The following CDS2 variants were observed in gnomAD, a reference collection of about 807,000 sequenced individuals.
CDS2 encodes the protein phosphatidate cytidylyltransferase 2.
CDS2 carries 47 observed loss-of-function variants against 59.0 expected under a neutral mutation model. The ratio of observed to expected loss-of-function variants is 0.80; its 90% CI spans 0.63 to 1.02. The LOEUF is 1.02. Ranked by LOEUF, CDS2 falls within the 50% of genes least tolerant of loss-of-function variation. CDS2 has a pLI of 0.00. For synonymous variants in CDS2, 207 were observed against 206.4 expected (o/e 1.00, Z -0.02); for missense variants, 356 against 558.9 (o/e 0.64, Z 3.66).
chr20:5,161,764 A>AG (rs2090878238), intron 1 of CDS2, among the ~76,000 whole-genome samples: 1 of 152,190 alleles, frequency 6.6e-6, no homozygotes, highest in Non-Finnish European at 1.5e-5. Flanking sequence ...AGTTGTCTCC[A>AG]GGCCTAGCCC....
rs748938050 is a variant in CDS2, at chr20:5,186,859, G to T, written c.981+20G>T. Reference sequence around the variant, plus strand: ...GGCTGGGTATGTGCCACTCACAGGGGGTGAGCGGCCTCCATGGACAGTGGC... The same window carrying T: ...GGCTGGGTATGTGCCACTCACAGGGTGTGAGCGGCCTCCATGGACAGTGGC... On this transcript the variant is annotated intron_variant, in intron 10 of 12. Transcript: ENST00000460006. The T allele has an allele frequency of 2.5e-6, 4 of 1,613,124 alleles. No homozygotes were observed. In the African/African-American group the frequency reaches 5.3e-5, roughly 22 times the overall value.
intron 1 of CDS2, among the ~76,000 whole-genome samples, chr20:5,134,337 T>C (rs929705059): frequency 1.3e-5 from 2 of 152,318 alleles, no homozygotes; most frequent in Non-Finnish European, 2.9e-5. Context: ...ATTCACTGAC[T>C]GTAGGGTCTG....
chr20:5,147,947 T>G (rs748892818), intron 1 of CDS2, among the ~76,000 whole-genome samples: 80 of 152,232 alleles, frequency 5.3e-4, no homozygotes, highest in Admixed American at 9.8e-4. Flanking sequence ...ATTGTTTTTT[T>G]TTGTTGTTGT....
At position 5,192,863 on chromosome 20, in the gene CDS2, T is replaced by C. The variant is rs1292102227; in HGVS notation, c.*2629T>C. The stretch of plus-strand genomic sequence containing the variant: ...ATGAGCACCTTACCAGGCAGGGAGC[T>C]TCCCCAGGATAGTGTGGTGGAGTCA... On this transcript the variant is annotated 3_prime_UTR_variant, in exon 13 of 13. Transcript: ENST00000460006. 6.6e-6 allele frequency: 1 copy of C among 152,250 alleles called. No homozygotes were observed. Among genetic ancestry groups the C allele is most frequent in the Non-Finnish European group, 1.5e-5 (1 of 68,050 alleles). 9.4% of individuals were successfully genotyped at this position (152,250 alleles called of 1,614,324 possible).
chr20:5,188,054 A>ATGTG (rs2091083029), intron 10 of CDS2, among the ~76,000 whole-genome samples: 1 of 122,434 alleles, frequency 8.2e-6, no homozygotes, highest in Non-Finnish European at 1.8e-5. Context: ...TTCTTAACGT[A>ATGTG]CGTGTGTGTG....
In CDS2 at chr20:5,190,339, GTC is replaced by G; in HGVS notation, c.*107_*108del. 1.2e-5 allele frequency: 10 copies of G among 869,220 alleles called. No homozygotes were observed. Among genetic ancestry groups the G allele is most frequent in the Non-Finnish European group, 1.6e-5 (10 of 617,316 alleles). 53.8% of individuals were successfully genotyped at this position (869,220 alleles called of 1,614,324 possible). ...GACAATGACGAGGCTTCAACTCACTGTCTTTTTTTTTTTTTTTTGGAGGGTAT... is the reference window on the plus strand; with the variant it reads ...GACAATGACGAGGCTTCAACTCACTGTTTTTTTTTTTTTTTTGGAGGGTAT... On this transcript the variant is annotated 3_prime_UTR_variant, in exon 13 of 13. Coordinates refer to ENST00000460006, the MANE Select transcript of CDS2 (RefSeq NM_003818.4).
Position 5,184,339 on chromosome 20 carries a change from T to C in CDS2, c.672-519T>C, listed in dbSNP as rs2091051843. On this transcript the variant is annotated intron_variant, in intron 7 of 12. Coordinates refer to ENST00000460006, the MANE Select transcript of CDS2 (RefSeq NM_003818.4). The surrounding 1 kb of genome is among the most constrained non-coding windows in gnomAD (Gnocchi z 4.3). Reference sequence around the variant, plus strand: ...GAAATCTAGCTGTGCGTGTTGGGGTTTCACACTCAAATACAGTCCTGGGGA... The same window carrying C: ...GAAATCTAGCTGTGCGTGTTGGGGTCTCACACTCAAATACAGTCCTGGGGA... Among the ~76,000 whole-genome samples, 1 of 152,084 alleles carries C rather than the reference T, an allele frequency of 6.6e-6. No homozygotes were observed. The highest frequency in any genetic ancestry group is 6.5e-5 in the Admixed American group (1 of 15,274).
At position 5,188,926 on chromosome 20, in the gene CDS2, C is replaced by A. The variant is rs2091091097; in HGVS notation, c.982-141C>A. On this transcript the variant is annotated intron_variant, in intron 10 of 12. Transcript: ENST00000460006. ...CCAAGCCATTCATGAGGGATTTGCC[C>A]CTGTGACCCAAACACCTCCCACTAG... The A allele has an allele frequency of 6.2e-6, 6 of 972,924 alleles. No individual in the cohort carries two copies. In the East Asian group the frequency reaches 1.5e-4, roughly 24 times the overall value. 60.3% of individuals were successfully genotyped at this position (972,924 alleles called of 1,614,324 possible). A position where few individuals can be genotyped will look rare whatever the true frequency, so the allele number is the denominator to read the frequency against.
chr20:5,152,952 T>G (rs1416068734), intron 1 of CDS2, among the ~76,000 whole-genome samples: 1 of 152,204 alleles, frequency 6.6e-6, no homozygotes, highest in Admixed American at 6.5e-5. Context: ...CATTGTTGCT[T>G]TGTGTTTTAG....
rs1374525221 is a variant in CDS2 at position 5,191,906 on chromosome 20, C to T, written c.*1672C>T. On this transcript the variant is annotated 3_prime_UTR_variant, in exon 13 of 13. Coordinates refer to ENST00000460006, the MANE Select transcript of CDS2 (RefSeq NM_003818.4). ...TGTGTCACTGGCAGGATGCATCACT[C>T]TCCAGGGCCTCTTTTTCGGAGCTAC... is the stretch of plus-strand genomic sequence containing the variant. The T allele has an allele frequency of 2.0e-5, 3 of 152,220 alleles. No homozygotes were observed. The highest frequency in any genetic ancestry group is 1.9e-4 in the East Asian group (1 of 5,198). The allele number at this position is 152,220 out of a possible 1,614,324, so 9.4% of individuals were successfully genotyped here.
chr20:5,176,636 T>C lies in CDS2; in HGVS notation c.292-12T>C, dbSNP rs1392471338. On this transcript the variant is annotated splice_polypyrimidine_tract_variant and intron_variant, in intron 3 of 12. Transcript: ENST00000460006. ...AGAATTGGGGTGTCAGTGAATGTTT[T>C]GTGTCCCGCAGGTGATGTGCGTTCA... 8 of 1,605,800 alleles carry C rather than the reference T, an allele frequency of 5.0e-6. No individual in the cohort carries two copies. The highest frequency in any genetic ancestry group is 6.8e-6 in the Non-Finnish European group (8 of 1,172,528).
intron 1 of CDS2, among the ~76,000 whole-genome samples, chr20:5,160,927 T>C (rs960589248): frequency 2.6e-5 from 4 of 152,378 alleles, no homozygotes; most frequent in South Asian, 2.1e-4. Flanking sequence ...TGTATATGTA[T>C]ACTACATTTT....
In CDS2 at chr20:5,188,415, G is replaced by A. The variant is rs189691541; in HGVS notation, c.982-652G>A. On this transcript the variant is annotated intron_variant, in intron 10 of 12. Transcript: ENST00000460006. ...ATACTCTTTTCAACTATGTATCTGC[G>A]TACGGCTGGATTTTCTTTATATACT... is the stretch of plus-strand genomic sequence containing the variant. 1.2e-4 allele frequency among the ~76,000 whole-genome samples: 19 copies of A among 152,240 alleles called. No individual in the cohort carries two copies. In the East Asian group the frequency reaches 3.3e-3, roughly 26 times the overall value.
At chr20:5,129,494 G>A (rs953344448) in intron 1 of CDS2, among the ~76,000 whole-genome samples, 1 of 151,048 alleles carries the variant, frequency 6.6e-6, no homozygotes, top group African/African-American at 2.4e-5. Flanking sequence ...CCAGGCTGGA[G>A]TGCAATGGCA....
At position 5,181,036 on chromosome 20, in the gene CDS2, A is replaced by G. The variant is rs377257966; in HGVS notation, c.530-1351A>G. The stretch of plus-strand genomic sequence containing the variant: ...TTGAGTAAGCTTATCCTGCATTCCT[A>G]CACAAATAGTACAACTATTCCATAT... On this transcript the variant is annotated intron_variant, in intron 5 of 12. Coordinates refer to ENST00000460006, the MANE Select transcript of CDS2 (RefSeq NM_003818.4). Among the ~76,000 whole-genome samples, 28 of 152,324 alleles carry G rather than the reference A, an allele frequency of 1.8e-4. No individual in the cohort carries two copies. In the South Asian group the frequency reaches 5.8e-3, roughly 32 times the overall value.
chr20:5,137,588 A>C (rs973101323), intron 1 of CDS2, among the ~76,000 whole-genome samples: 9 of 151,898 alleles, frequency 5.9e-5, no homozygotes, highest in African/African-American at 1.9e-4. Context: ...ATCTCAGAGC[A>C]TCTCTGGCTA....
intron 5 of CDS2, among the ~76,000 whole-genome samples, chr20:5,179,780 A>G (rs1318379605): frequency 1.3e-5 from 2 of 152,238 alleles, no homozygotes; most frequent in African/African-American, 4.8e-5. Flanking sequence ...AATCAAATAC[A>G]TTAAAACTTC....
At chr20:5,174,893 C>T (rs956369872) in intron 2 of CDS2, among the ~76,000 whole-genome samples, 4 of 152,180 alleles carry the variant, frequency 2.6e-5, no homozygotes, top group Non-Finnish European at 5.9e-5. Context: ...GATACAGAAG[C>T]AGAGGGCACT....
At chr20:5,177,735 G>A (rs1032994388) in intron 4 of CDS2, among the ~76,000 whole-genome samples, 1 of 152,316 alleles carries the variant, frequency 6.6e-6, no homozygotes, top group South Asian at 2.1e-4. Context: ...GTGCTCAGAT[G>A]TAGGCTGGGC....
Sources: allele counts gnomAD v4.1 joint callset (sites outside exome capture counted in the v4.1 genomes callset), GRCh38; gene constraint gnomAD v4.1.1; non-coding constraint Gnocchi (gnomAD v3.1); transcripts MANE v1.5; gene names NCBI Gene and HGNC (gene_info 2026-07-23, HGNC 2026-07-21).